The following TENM1 variants were observed in gnomAD, a reference collection of about 807,000 sequenced individuals.
TENM1 encodes the protein teneurin-1.
In TENM1, 35 loss-of-function variants were observed where a neutral mutation model predicts 174.8. That is an observed-to-expected ratio of 0.20 (90% CI 0.15 to 0.27). The LOEUF (loss-of-function observed/expected upper bound fraction) is 0.27, where lower values mean the gene tolerates loss of function less well. Ranked by LOEUF, TENM1 falls within the 10% of genes least tolerant of loss-of-function variation. TENM1 has a pLI of 1.00. For synonymous variants in TENM1, 781 were observed against 798.7 expected (o/e 0.98, Z 0.37); for missense variants, 1,633 against 2,130.1 (o/e 0.77, Z 4.59).
the TENM1 span, among the ~76,000 whole-genome samples, chrX:125,093,321 T>C: frequency 9.0e-6 from 1 of 110,935 alleles, no homozygotes; most frequent in Non-Finnish European, 1.9e-5. Context: ...GCACAAAGAG[T>C]CACTTCCTCT....
chrX:124,857,014 T>A (rs2056826638), intron 3 of TENM1, among the ~76,000 whole-genome samples: 1 of 111,270 alleles, frequency 9.0e-6, no homozygotes, highest in Non-Finnish European at 1.9e-5. Context: ...TACATACACA[T>A]AAATTATGTA....
intron 3 of TENM1, among the ~76,000 whole-genome samples, chrX:124,791,574 T>C (rs1172665153): frequency 9.0e-6 from 1 of 111,424 alleles, no homozygotes; most frequent in Admixed American, 9.6e-5. Context: ...ATACTCACGC[T>C]CATGCTGTCA....
chrX:124,804,641 A>G (rs751135906), intron 3 of TENM1, among the ~76,000 whole-genome samples: 17 of 112,147 alleles, frequency 1.5e-4, no homozygotes, highest in Non-Finnish European at 3.2e-4. Flanking sequence ...TAAATTTTGT[A>G]TATCATCACC....
At chrX:124,653,842 G>A (rs776573383) in intron 6 of TENM1, 59 bp from the exon 10 acceptor site, 1 of 992,277 alleles carries the variant, frequency 1.0e-6, no homozygotes, top group African/African-American at 1.9e-5. Context: ...TAAAGCAATG[G>A]TTTTTAGCTT....
At chrX:125,119,901 A>G in the TENM1 span, among the ~76,000 whole-genome samples, 2 of 111,962 alleles carry the variant, frequency 1.8e-5, no homozygotes, top group Non-Finnish European at 3.8e-5. Flanking sequence ...GTACTAGTTT[A>G]TGATACAGTG....
the TENM1 span, among the ~76,000 whole-genome samples, chrX:124,983,233 C>A: frequency 9.0e-6 from 1 of 110,763 alleles, no homozygotes; most frequent in African/African-American, 3.3e-5. Flanking sequence ...AATACACATA[C>A]TATTTTAAAG....
the TENM1 span, among the ~76,000 whole-genome samples, chrX:124,971,114 C>T: frequency 1.2e-5 from 1 of 80,078 alleles, no homozygotes; most frequent in Non-Finnish European, 2.2e-5. Context: ...GGAAGGGGAA[C>T]ATCACACACT....
At chrX:125,143,237 A>G in the TENM1 span, among the ~76,000 whole-genome samples, 1 of 111,698 alleles carries the variant, frequency 9.0e-6, no homozygotes, top group Non-Finnish European at 1.9e-5. Flanking sequence ...GAGCAGGAAC[A>G]TATATCTCCA....
the TENM1 span, among the ~76,000 whole-genome samples, chrX:125,145,947 C>A: frequency 1.8e-5 from 2 of 111,993 alleles, no homozygotes; most frequent in Non-Finnish European, 3.8e-5. Flanking sequence ...TTAATTGACA[C>A]AAATGATCAA....
At chrX:124,557,792 A>G (rs914393130) in intron 14 of TENM1, among the ~76,000 whole-genome samples, 2 of 111,702 alleles carry the variant, frequency 1.8e-5, no homozygotes, top group African/African-American at 3.2e-5. Context: ...ATCTTTCACT[A>G]TTGTTTGTTT....
chrX:125,027,858 G>A, the TENM1 span, among the ~76,000 whole-genome samples: 1 of 110,922 alleles, frequency 9.0e-6, no homozygotes, highest in Non-Finnish European at 1.9e-5. Flanking sequence ...CTGAATTGAC[G>A]ATAGACATGT....
intron 11 of TENM1, among the ~76,000 whole-genome samples, chrX:124,640,447 C>T (rs766997940): frequency 1.8e-5 from 2 of 111,925 alleles, no homozygotes; most frequent in African/African-American, 3.2e-5. Context: ...CTGCTTACCA[C>T]GTCATTTTAC....
chrX:124,762,316 C>T (rs778210795), intron 3 of TENM1, among the ~76,000 whole-genome samples: 4 of 112,168 alleles, frequency 3.6e-5, no homozygotes, highest in Admixed American at 1.9e-4. Context: ...AGCACCAACT[C>T]ATCTAGATAA....
rs1186770642 is a variant in TENM1 at position 124,425,578 on chromosome X, C to T, written c.4105-2940G>A. Among the ~76,000 whole-genome samples the T allele has an allele frequency of 6.2e-5, 7 of 112,278 alleles. No homozygotes were observed. The Admixed American group carries it at 6.6e-4, about 11-fold the overall frequency. On this transcript the variant is annotated intron_variant, in intron 23 of 31. Transcript: ENST00000422452. ...TATGATGCAGCAAAAATGCCCTCAC[C>T]AGCTGCCAGTGCCATGCTCTTGGAC...
At chrX:124,408,707 T>C (rs1315148177) in intron 25 of TENM1, among the ~76,000 whole-genome samples, 1 of 108,341 alleles carries the variant, frequency 9.2e-6, no homozygotes, top group Non-Finnish European at 1.9e-5. Context: ...TTAGGGTACA[T>C]GTGCACAATG....
At chrX:124,535,981 A>G (rs2048197311) in intron 15 of TENM1, among the ~76,000 whole-genome samples, 1 of 111,623 alleles carries the variant, frequency 9.0e-6, no homozygotes, top group Non-Finnish European at 1.9e-5. Context: ...ATACTTGACT[A>G]TTTTAGGGAA....
At chrX:124,485,728 C>G (rs111252237) in intron 21 of TENM1, among the ~76,000 whole-genome samples, 3,806 of 111,816 alleles carry the variant, frequency 0.034, 129 homozygotes, top group African/African-American at 0.11. Context: ...CCTCAAATCT[C>G]AGCTGGGGAA....
chrX:124,527,341 T>C (rs768931271), intron 16 of TENM1, among the ~76,000 whole-genome samples: 3 of 112,214 alleles, frequency 2.7e-5, no homozygotes, highest in African/African-American at 9.7e-5. Context: ...TCCCATGATC[T>C]AGACCTTTTC....
At chrX:124,485,634 A>G (rs148936159) in intron 21 of TENM1, among the ~76,000 whole-genome samples, 2,770 of 111,446 alleles carry the variant, frequency 0.025, 78 homozygotes, top group African/African-American at 0.086. Context: ...TGCTATTTGC[A>G]CAAAAGCACT....
Sources: allele counts gnomAD v4.1 joint callset (sites outside exome capture counted in the v4.1 genomes callset), GRCh38; gene constraint gnomAD v4.1.1; transcripts MANE v1.5; gene names NCBI Gene and HGNC (gene_info 2026-07-23, HGNC 2026-07-21).